SNRPN: variants seen among roughly 807,000 people sequenced by gnomAD.
SNRPN encodes the protein small nuclear ribonucleoprotein polypeptide N.
In SNRPN, 7 loss-of-function variants were observed where a neutral mutation model predicts 25.2. The observed-to-expected ratio is 0.28, with a 90% CI of 0.16 to 0.52. The LOEUF (loss-of-function observed/expected upper bound fraction) is 0.52. SNRPN is among the 20% of genes least tolerant of loss of function. The pLI is 0.96. For missense variants in SNRPN, 196 were observed against 322.5 expected (o/e 0.61, Z 3.00); for synonymous variants, 124 against 110.6 (o/e 1.12, Z -0.76).
At chr15:24,900,044 A>G (rs987873863) in intron 2 of SNRPN, among the ~76,000 whole-genome samples, 1 of 152,168 alleles carries the variant, frequency 6.6e-6, no homozygotes, top group Non-Finnish European at 1.5e-5. Context: ...ATCACAATTA[A>G]TCAAGCAATG....
At chr15:24,944,311 A>C (rs918187631) in intron 3 of SNRPN, among the ~76,000 whole-genome samples, 1 of 152,194 alleles carries the variant, frequency 6.6e-6, no homozygotes, top group Admixed American at 6.5e-5. Flanking sequence ...TGTTCAGTGA[A>C]ATTAGGTGCA....
intron 2 of SNRPN, among the ~76,000 whole-genome samples, chr15:24,834,751 C>CTATATATATATATATATGTA (rs2050890893): frequency 1.6e-5 from 1 of 60,956 alleles, no homozygotes; most frequent in African/African-American, 5.9e-5. Context: ...CTCTCTCTCT[C>CTATATATATATATATATGTA]TATATATATA....
intron 2 of SNRPN, among the ~76,000 whole-genome samples, chr15:24,843,794 C>CACACACACACAG: frequency 6.7e-6 from 1 of 149,358 alleles, no homozygotes; most frequent in Non-Finnish European, 1.5e-5. Flanking sequence ...CACAAACACA[C>CACACACACACAG]ACACACACAC....
intron 1 of SNRPN, among the ~76,000 whole-genome samples, chr15:24,869,878 G>A (rs147390510): frequency 2.6e-5 from 4 of 152,242 alleles, no homozygotes; most frequent in Non-Finnish European, 5.9e-5. Flanking sequence ...AACAAGAGTT[G>A]AGAACTCTTT....
chr15:24,873,341 T>A (rs2055403628), intron 1 of SNRPN, among the ~76,000 whole-genome samples: 1 of 118,978 alleles, frequency 8.4e-6, no homozygotes, highest in Non-Finnish European at 1.8e-5. Flanking sequence ...TTTTTTTTTT[T>A]TTTGAAACGG....
chr15:24,938,493 TTGAACTCC>T (rs769994430), intron 3 of SNRPN, among the ~76,000 whole-genome samples: 4 of 152,176 alleles, frequency 2.6e-5, no homozygotes, highest in Non-Finnish European at 4.4e-5. Flanking sequence ...CTGTCTGGTC[TTGAACTCC>T]TGACCTCAAG....
intron 5 of SNRPN, among the ~76,000 whole-genome samples, 165 bp downstream of exon 5, chr15:24,975,674 T>A (rs2076975569): frequency 6.6e-6 from 1 of 152,222 alleles, no homozygotes; most frequent in African/African-American, 2.4e-5. Flanking sequence ...TAGGTCAGAG[T>A]CTGCATCTGA....
At chr15:24,951,710 G>A (rs949766316), upstream of SNRPN, among the ~76,000 whole-genome samples, 9 of 152,114 alleles carry the variant, frequency 5.9e-5, no homozygotes, top group Non-Finnish European at 1.3e-4. Flanking sequence ...GTTTCACCAC[G>A]TTGGCCAGAA....
chr15:24,832,240 T>TA (rs1396735040), intron 2 of SNRPN, among the ~76,000 whole-genome samples: 2 of 148,500 alleles, frequency 1.3e-5, no homozygotes, highest in African/African-American at 5.3e-5. Flanking sequence ...ATTGTCTATG[T>TA]ATGTCTTCAT....
rs1037420942 is a variant in SNRPN at position 24,967,835 on chromosome 15, T to G, written c.-294-97T>G. 6.0e-6 allele frequency: 5 copies of G among 838,324 alleles called. No individual in the cohort carries two copies. The African/African-American group carries it at 7.1e-5, about 12-fold the overall frequency. The allele number at this position is 838,324 out of a possible 1,614,324, so 51.9% of individuals were successfully genotyped here. On this transcript the variant is annotated intron_variant, in intron 2 of 9. Coordinates refer to ENST00000390687, the MANE Select transcript of SNRPN (RefSeq NM_003097.6). ...AAAAAAAAAAAAAAAAAAAGGAATA[T>G]CTTCTTAAATGTAAGGGTACCTAGT...
At chr15:24,849,211 G>C (rs1311771310) in intron 2 of SNRPN, 1 of 152,312 alleles carries the variant, frequency 6.6e-6, no homozygotes, top group Non-Finnish European at 1.5e-5. Flanking sequence ...GATTACAGGC[G>C]TGAGCCACCG....
chr15:24,872,351 G>T (rs1222364557), intron 1 of SNRPN, among the ~76,000 whole-genome samples: 2 of 117,122 alleles, frequency 1.7e-5, no homozygotes, highest in Non-Finnish European at 3.8e-5. Context: ...ATTTTTAGTA[G>T]AGACAGGGTT....
intron 3 of SNRPN, among the ~76,000 whole-genome samples, chr15:24,927,520 C>CTTTTTTTTTTTTTTTTTTT (rs2060497188): frequency 1.2e-4 from 9 of 73,768 alleles, no homozygotes; most frequent in East Asian, 4.5e-4. Flanking sequence ...TTTTTTTTTA[C>CTTTTTTTTTTTTTTTTTTT]TTTTGACCAC....
chr15:24,919,039 CATAAT>C (rs1444943633), intron 2 of SNRPN, among the ~76,000 whole-genome samples: 1 of 142,002 alleles, frequency 7.0e-6, no homozygotes, highest in East Asian at 2.0e-4. Context: ...ATATATATAA[CATAAT>C]ATATATGTGC....
chr15:24,877,353 G>A (rs1035143143), intron 1 of SNRPN, among the ~76,000 whole-genome samples: 1 of 152,170 alleles, frequency 6.6e-6, no homozygotes, highest in African/African-American at 2.4e-5. Flanking sequence ...TTTAGGGAAT[G>A]AAGAACCATG....
chr15:24,966,682 A>G (rs1361037391), intron 2 of SNRPN, among the ~76,000 whole-genome samples: 1 of 152,152 alleles, frequency 6.6e-6, no homozygotes, highest in Non-Finnish European at 1.5e-5. Context: ...CCAAGGATGT[A>G]TAGGATGTAT....
At chr15:24,841,102 G>A (rs1347840072) in intron 2 of SNRPN, among the ~76,000 whole-genome samples, 1 of 152,104 alleles carries the variant, frequency 6.6e-6, no homozygotes. Flanking sequence ...GCCTCCCAAA[G>A]TGCTGGGATT....
At chr15:24,958,486 G>GTTTT (rs71127030) in intron 1 of SNRPN, among the ~76,000 whole-genome samples, 848 of 65,272 alleles carry the variant, frequency 0.013, 93 homozygotes, top group Middle Eastern at 0.043. Context: ...CTGGCTCAAA[G>GTTTT]TTTTTTTTTT....
At chr15:24,891,586 C>T (rs1046187846) in intron 2 of SNRPN, among the ~76,000 whole-genome samples, 3 of 151,948 alleles carry the variant, frequency 2.0e-5, no homozygotes, top group Admixed American at 6.6e-5. Context: ...TGTAGGCTCC[C>T]GCCACCATGT....
Sources: gnomAD v4.1 joint callset for allele counts (sites outside exome capture counted in the v4.1 genomes callset) on GRCh38, gnomAD v4.1.1 for gene constraint, MANE v1.5 for transcripts, NCBI Gene and HGNC (gene_info 2026-07-23, HGNC 2026-07-21) for gene names.